The following EXOC6B variants were observed in gnomAD, a reference collection of about 807,000 sequenced individuals.
EXOC6B encodes SEC15 homolog B.
EXOC6B carries 54 observed loss-of-function variants against 113.5 expected under a neutral mutation model. The observed-to-expected ratio is 0.48, with a 90% CI of 0.38 to 0.60. The LOEUF is 0.60. EXOC6B is among the 20% of genes least tolerant of loss of function. EXOC6B has a pLI of 0.00. For missense variants in EXOC6B, 797 were observed against 977.5 expected, an observed-to-expected ratio of 0.82 and a Z score of 2.46; for synonymous variants, 357 against 339.0, an observed-to-expected ratio of 1.05 and a Z score of -0.58.
At chr2:72,630,984 A>G (rs913617868) in intron 6 of EXOC6B, among the ~76,000 whole-genome samples, 1 of 152,186 alleles carries the variant, frequency 6.6e-6, no homozygotes, top group Non-Finnish European at 1.5e-5. Flanking sequence ...ATAATCCCAA[A>G]GTGATGTCCC....
At chr2:72,392,050 T>C (rs1692416985) in intron 18 of EXOC6B, among the ~76,000 whole-genome samples, 1 of 152,242 alleles carries the variant, frequency 6.6e-6, no homozygotes, top group Non-Finnish European at 1.5e-5. Flanking sequence ...AGAATACATA[T>C]TTCATTCTTT....
At chr2:72,396,428 C>T (rs1054833633) in intron 18 of EXOC6B, among the ~76,000 whole-genome samples, 5 of 152,086 alleles carry the variant, frequency 3.3e-5, no homozygotes, top group African/African-American at 9.7e-5. Flanking sequence ...AAAAAATTTG[C>T]CTGGCTAACA....
intron 11 of EXOC6B, among the ~76,000 whole-genome samples, chr2:72,509,797 A>G (rs144825818): frequency 6.8e-4 from 103 of 152,046 alleles, no homozygotes; most frequent in African/African-American, 2.4e-3. Flanking sequence ...GATTTTCAAT[A>G]TCAGTATTAA....
At chr2:72,213,637 C>A (rs1029859540) in intron 20 of EXOC6B, among the ~76,000 whole-genome samples, 6 of 152,144 alleles carry the variant, frequency 3.9e-5, no homozygotes, top group African/African-American at 1.4e-4. Flanking sequence ...TAAATGAGTG[C>A]ATCTCCCCAA....
intron 1 of EXOC6B, among the ~76,000 whole-genome samples, chr2:72,756,202 T>C (rs575580105): frequency 2.2e-4 from 34 of 152,254 alleles, no homozygotes; most frequent in African/African-American, 8.2e-4. Context: ...ATGCCAAACC[T>C]AGACACTGTA....
chr2:72,439,439 T>A (rs1253689748), intron 18 of EXOC6B, among the ~76,000 whole-genome samples: 1 of 152,228 alleles, frequency 6.6e-6, no homozygotes, highest in Non-Finnish European at 1.5e-5. Context: ...TTCTCTGTGC[T>A]TGTCTGCCTG....
chr2:72,330,207 C>T (rs2104862096), intron 20 of EXOC6B, among the ~76,000 whole-genome samples: 1 of 152,118 alleles, frequency 6.6e-6, no homozygotes, highest in South Asian at 2.1e-4. Flanking sequence ...GGAAGGTAAA[C>T]TATCATAGAT....
At chr2:72,641,659 G>C (rs1673248680) in intron 6 of EXOC6B, among the ~76,000 whole-genome samples, 2 of 152,268 alleles carry the variant, frequency 1.3e-5, no homozygotes, top group Admixed American at 1.3e-4. Flanking sequence ...AAAGGCAGCA[G>C]AAACTTCTGC....
At position 72,299,389 on chromosome 2, in the gene EXOC6B, T is replaced by A. The variant is rs934096224; in HGVS notation, c.2196+35558A>T. Among the ~76,000 whole-genome samples, 3 of 151,950 alleles carry A rather than the reference T, an allele frequency of 2.0e-5. No individual in the cohort carries two copies. In the South Asian group the frequency reaches 6.2e-4, roughly 32 times the overall value. The stretch of plus-strand genomic sequence containing the variant: ...TTATTCTAGGTAGCATCTAGATGAA[T>A]TCTAGGTAGCATCTATTCTAGATGA... On this transcript the variant is annotated intron_variant, in intron 20 of 21. Transcript: ENST00000272427.
chr2:72,749,514 G>A (rs759004845), intron 1 of EXOC6B, among the ~76,000 whole-genome samples: 3 of 151,732 alleles, frequency 2.0e-5, no homozygotes, highest in Admixed American at 1.3e-4. Flanking sequence ...CCATTAAAGC[G>A]GAAAGTAATT....
intron 6 of EXOC6B, among the ~76,000 whole-genome samples, chr2:72,583,650 A>C (rs770126322): frequency 6.6e-6 from 1 of 152,184 alleles, no homozygotes; most frequent in Non-Finnish European, 1.5e-5. Flanking sequence ...CCAAACAAGC[A>C]AGCACTAAGG....
At chr2:72,678,135 G>A (rs1676444851) in intron 6 of EXOC6B, among the ~76,000 whole-genome samples, 1 of 152,198 alleles carries the variant, frequency 6.6e-6, no homozygotes, top group African/African-American at 2.4e-5. Context: ...TGAGGCACTA[G>A]GTCAACTGCA....
chr2:72,579,659 A>C (rs1054309295), intron 6 of EXOC6B, among the ~76,000 whole-genome samples: 14 of 152,146 alleles, frequency 9.2e-5, no homozygotes, highest in Admixed American at 9.2e-4. Context: ...CCATTAAATA[A>C]ACATTTATTG....
intron 20 of EXOC6B, among the ~76,000 whole-genome samples, chr2:72,322,826 A>C (rs1687912384): frequency 6.6e-6 from 1 of 152,048 alleles, no homozygotes; most frequent in South Asian, 2.1e-4. Context: ...TTACACCCTA[A>C]ACAAAAATTA....
At chr2:72,378,144 A>C (rs1691466652) in intron 19 of EXOC6B, among the ~76,000 whole-genome samples, 3 of 152,184 alleles carry the variant, frequency 2.0e-5, no homozygotes, top group Admixed American at 2.0e-4. Context: ...TTCATCTCAC[A>C]GACCTCCAGT....
intron 5 of EXOC6B, among the ~76,000 whole-genome samples, chr2:72,721,390 G>GAAAAAAAAAAAAAAA (rs1679996399): frequency 1.9e-5 from 1 of 52,032 alleles, no homozygotes; most frequent in Non-Finnish European, 3.6e-5. Context: ...AAAAAAAAAT[G>GAAAAAAAAAAAAAAA]AACAAAGAAA....
chr2:72,768,604 C>A (rs1683242199), intron 1 of EXOC6B, among the ~76,000 whole-genome samples: 1 of 131,454 alleles, frequency 7.6e-6, no homozygotes, highest in African/African-American at 2.5e-5. Context: ...TGTGCCCGGC[C>A]TAAGCTTTTT....
intron 18 of EXOC6B, among the ~76,000 whole-genome samples, chr2:72,400,945 T>C (rs1022384326): frequency 2.6e-5 from 4 of 152,060 alleles, no homozygotes; most frequent in African/African-American, 9.7e-5. Context: ...ACTGGGTATC[T>C]ACTCAAAGGA....
chr2:72,278,097 A>G (rs1684910625), intron 20 of EXOC6B, among the ~76,000 whole-genome samples: 1 of 152,194 alleles, frequency 6.6e-6, no homozygotes, highest in Non-Finnish European at 1.5e-5. Context: ...ATTAAACTCA[A>G]AAAATACACT....
Sources: gnomAD v4.1 joint callset for allele counts (sites outside exome capture counted in the v4.1 genomes callset) on GRCh38, gnomAD v4.1.1 for gene constraint, MANE v1.5 for transcripts, NCBI Gene and HGNC (gene_info 2026-07-23, HGNC 2026-07-21) for gene names.